ASPRV1: variants seen among roughly 807,000 people sequenced by gnomAD.
The protein encoded by ASPRV1 is aspartic peptidase retroviral like 1, also known as retroviral-like aspartic protease 1.
In ASPRV1, 7 loss-of-function variants were observed where a neutral mutation model predicts 11.0. The ratio of observed to expected loss-of-function variants is 0.64; its 90% CI spans 0.36 to 1.20. The LOEUF is 1.20. Ranked by LOEUF, ASPRV1 falls within the 50% of genes most tolerant of loss-of-function variation. The pLI, the probability that ASPRV1 is intolerant of heterozygous loss-of-function variation, is 0.02. For missense variants in ASPRV1, 299 were observed against 320.0 expected (o/e 0.93, Z 0.50); for synonymous variants, 136 against 138.4 (o/e 0.98, Z 0.12).
the ASPRV1 span, among the ~76,000 whole-genome samples, chr2:70,014,796 C>CAAAAAAAAA: frequency 8.1e-5 from 6 of 74,016 alleles, no homozygotes; most frequent in East Asian, 3.8e-4. Flanking sequence ...GACCTTGTCT[C>CAAAAAAAAA]AAAAAAAAAA....
chr2:70,078,762 G>A, the ASPRV1 span, among the ~76,000 whole-genome samples: 1 of 152,204 alleles, frequency 6.6e-6, no homozygotes, highest in African/African-American at 2.4e-5. Flanking sequence ...TTTTAATCCA[G>A]GTGGGATTTT....
At chr2:69,937,341 G>T in the ASPRV1 span, 2 of 1,614,044 alleles carry the variant, frequency 1.2e-6, no homozygotes, top group Non-Finnish European at 1.7e-6. Flanking sequence ...GAGAGGATCC[G>T]GATGGACAGC....
the ASPRV1 span, among the ~76,000 whole-genome samples, chr2:70,037,712 G>C: frequency 7.2e-3 from 1,089 of 151,840 alleles, 12 homozygotes; most frequent in African/African-American, 0.025. Flanking sequence ...AGTTTGTCAT[G>C]TACTTTTGCT....
At chr2:70,047,717 G>A in the ASPRV1 span, among the ~76,000 whole-genome samples, 1 of 152,234 alleles carries the variant, frequency 6.6e-6, no homozygotes, top group Non-Finnish European at 1.5e-5. Flanking sequence ...GATCAGGTGA[G>A]ATGGTCAGGC....
the ASPRV1 span, among the ~76,000 whole-genome samples, chr2:69,995,928 T>C: frequency 0.013 from 1,951 of 152,234 alleles, 48 homozygotes; most frequent in African/African-American, 0.045. Context: ...GGAATCATCC[T>C]TAGTTAAGAA....
At chr2:70,017,724 A>G in the ASPRV1 span, among the ~76,000 whole-genome samples, 1 of 152,250 alleles carries the variant, frequency 6.6e-6, no homozygotes, top group East Asian at 1.9e-4. Context: ...CTTGTCTGTT[A>G]GTATTTTTTT....
At chr2:70,038,986 G>A in the ASPRV1 span, among the ~76,000 whole-genome samples, 1 of 151,980 alleles carries the variant, frequency 6.6e-6, no homozygotes, top group African/African-American at 2.4e-5. Context: ...GGCTGAGGTA[G>A]GAGAATCACT....
At chr2:69,942,183 G>A in the ASPRV1 span, 5 of 152,142 alleles carry the variant, frequency 3.3e-5, no homozygotes, top group African/African-American at 4.8e-5. Context: ...TGTGTTTAGC[G>A]TGTCTAGTAG....
chr2:69,985,916 G>A, the ASPRV1 span, among the ~76,000 whole-genome samples: 3 of 152,160 alleles, frequency 2.0e-5, no homozygotes, highest in Non-Finnish European at 4.4e-5. Context: ...CTGCTCACCC[G>A]TCTCGGCATT....
At chr2:70,033,759 C>T in the ASPRV1 span, among the ~76,000 whole-genome samples, 1 of 152,148 alleles carries the variant, frequency 6.6e-6, no homozygotes, top group African/African-American at 2.4e-5. Flanking sequence ...TATTATATCT[C>T]TCTATATCAA....
At chr2:70,082,685 G>A in the ASPRV1 span, among the ~76,000 whole-genome samples, 1 of 152,134 alleles carries the variant, frequency 6.6e-6, no homozygotes, top group Non-Finnish European at 1.5e-5. Context: ...ACTCCATCCT[G>A]GGCAACAAGC....
At chr2:69,945,390 G>C in the ASPRV1 span, among the ~76,000 whole-genome samples, 1 of 152,232 alleles carries the variant, frequency 6.6e-6, no homozygotes, top group Non-Finnish European at 1.5e-5. Flanking sequence ...GTCTCTGCAG[G>C]AAGTATTGTT....
the ASPRV1 span, chr2:70,019,034 A>G: frequency 6.6e-6 from 1 of 152,196 alleles, no homozygotes; most frequent in South Asian, 2.1e-4. Flanking sequence ...TATGATCTAA[A>G]GTGTAGATAA....
chr2:70,005,135 T>C, the ASPRV1 span, among the ~76,000 whole-genome samples: 2 of 152,116 alleles, frequency 1.3e-5, no homozygotes, highest in Admixed American at 1.3e-4. Flanking sequence ...TCGCAGCTCA[T>C]TGCAGCCTGG....
the ASPRV1 span, among the ~76,000 whole-genome samples, chr2:70,038,745 C>T: frequency 6.6e-6 from 1 of 152,062 alleles, no homozygotes; most frequent in African/African-American, 2.4e-5. Flanking sequence ...TGGTAATATG[C>T]TAAGGAGAGT....
the ASPRV1 span, chr2:70,045,941 G>C: frequency 6.6e-6 from 1 of 152,206 alleles, no homozygotes; most frequent in African/African-American, 2.4e-5. Flanking sequence ...ATTCAAATGA[G>C]AGGCAGGACG....
At chr2:69,976,510 G>C in the ASPRV1 span, 1 of 152,258 alleles carries the variant, frequency 6.6e-6, no homozygotes, top group African/African-American at 2.4e-5. Context: ...CATGGCTCTG[G>C]ATATGAAACA....
chr2:70,005,022 C>A, the ASPRV1 span, among the ~76,000 whole-genome samples: 1 of 152,034 alleles, frequency 6.6e-6, no homozygotes, highest in Non-Finnish European at 1.5e-5. Flanking sequence ...TCCCTCAAGC[C>A]CATGCCACCC....
upstream of ASPRV1, chr2:69,962,103 G>A (rs1678142337): frequency 5.5e-6 from 1 of 182,050 alleles, no homozygotes; most frequent in South Asian, 1.7e-4. Context: ...ACATTCTAAA[G>A]CAGGTATGGG....
Sources: gnomAD v4.1 joint callset for allele counts (sites outside exome capture counted in the v4.1 genomes callset) on GRCh38, gnomAD v4.1.1 for gene constraint, MANE v1.5 for transcripts, NCBI Gene and HGNC (gene_info 2026-07-23, HGNC 2026-07-21) for gene names.